Variants in XIST observed in about 807,000 individuals in gnomAD.
XIST encodes the protein X inactive specific transcript (non-protein coding).
In XIST at chrX:73,822,470, C is replaced by A. The variant is rs762637145; in HGVS notation, n.17431G>T. 18 of 514,645 alleles carry A rather than the reference C, an allele frequency of 3.5e-5. No homozygotes were observed. The Admixed American group carries it at 4.8e-4, about 14-fold the overall frequency. The allele number at this position is 514,645 out of a possible 1,213,427, so 42.4% of individuals were successfully genotyped here. ...TGTCTCTGGGGCCAAAAACCTTATACCAAGTACCTATTGGCACCCGAATAT... is the reference window on the plus strand; with the variant it reads ...TGTCTCTGGGGCCAAAAACCTTATAACAAGTACCTATTGGCACCCGAATAT... On this transcript the variant is annotated non_coding_transcript_exon_variant, in exon 6 of 6. Coordinates refer to ENST00000429829, the Ensembl canonical transcript of XIST.
At position 73,843,814 on chromosome X, in the gene XIST, A is replaced by T. The variant is rs950021090; in HGVS notation, n.8910T>A. The T allele has an allele frequency of 1.6e-5, 9 of 558,964 alleles. No homozygotes were observed. The East Asian group carries it at 2.9e-4, about 18-fold the overall frequency. The allele number at this position is 558,964 out of a possible 1,213,427, so 46.1% of individuals were successfully genotyped here. The stretch of plus-strand genomic sequence containing the variant: ...ACAGATCAGGAGCAAATGTAATTGC[A>T]CATATTAACAGTCCAAAACAACAGG... On this transcript the variant is annotated non_coding_transcript_exon_variant, in exon 1 of 6. Coordinates refer to ENST00000429829, the Ensembl canonical transcript of XIST.
chrX:73,839,015 C>T, intron 1 of XIST, among the ~76,000 whole-genome samples: 1 of 111,729 alleles, frequency 9.0e-6, no homozygotes, highest in East Asian at 2.8e-4. Flanking sequence ...TAGTTTCTTT[C>T]TCTTTAAGCT....
At chrX:73,846,792 G>T in exon 1 of XIST, 1 of 559,068 alleles carries the variant, frequency 1.8e-6, no homozygotes, top group Non-Finnish European at 3.2e-6. Flanking sequence ...CCTTCAAAAG[G>T]AAGGATACTG....
intron 1 of XIST, among the ~76,000 whole-genome samples, chrX:73,838,025 T>C (rs1603361559): frequency 8.9e-6 from 1 of 111,954 alleles, no homozygotes; most frequent in East Asian, 2.8e-4. Flanking sequence ...TCAACAGATT[T>C]CCTGGAAAGA....
chrX:73,824,210 A>G (rs771222999), exon 6 of XIST: 47 of 514,012 alleles, frequency 9.1e-5, no homozygotes, highest in Non-Finnish European at 1.5e-4. Flanking sequence ...TAGCAATGAG[A>G]TTGGCACACA....
exon 1 of XIST, chrX:73,849,835 ACTGGGGCTAGGG>A (rs1380424989): frequency 1.1e-5 from 3 of 279,282 alleles, no homozygotes; most frequent in Non-Finnish European, 2.0e-5. Flanking sequence ...TAGGACTGGG[ACTGGGGCTAGGG>A]CTGGGGGGTT....
At chrX:73,820,742 T>A (rs1711216080) in exon 6 of XIST, 1 of 557,729 alleles carries the variant, frequency 1.8e-6, no homozygotes, top group African/African-American at 2.2e-5. Context: ...TAAGATTACT[T>A]TCTGGTGGTC....
chrX:73,821,764 T>A lies in XIST; in HGVS notation n.18137A>T, dbSNP rs193140316. 972 of 512,145 alleles carry A rather than the reference T, an allele frequency of 1.9e-3. 2 individuals are homozygous for A. The highest frequency in any genetic ancestry group is 2.8e-3 in the Admixed American group (103 of 37,180). 42.2% of individuals were successfully genotyped at this position (512,145 alleles called of 1,213,427 possible). A position where few individuals can be genotyped will look rare whatever the true frequency, so the allele number is the denominator to read the frequency against. On this transcript the variant is annotated non_coding_transcript_exon_variant, in exon 6 of 6. Transcript: ENST00000429829. ...TACATTTAGAGAAATTTTAAAAAAA[T>A]TTTTCCTTTCAATTTTGGCCAATTA...
At chrX:73,820,955 T>G in exon 6 of XIST, 1 of 558,901 alleles carries the variant, frequency 1.8e-6, no homozygotes, top group South Asian at 2.2e-5. Context: ...ACAACTTCAT[T>G]TATGTGAATA....
chrX:73,839,152 A>T (rs1922542483), intron 1 of XIST, among the ~76,000 whole-genome samples: 1 of 111,513 alleles, frequency 9.0e-6, no homozygotes, highest in Admixed American at 9.6e-5. Flanking sequence ...ATCAGGGCAC[A>T]AACACCCTGA....
intron 2 of XIST, among the ~76,000 whole-genome samples, chrX:73,834,797 C>T (rs1433747353): frequency 5.6e-5 from 5 of 88,572 alleles, no homozygotes; most frequent in African/African-American, 2.3e-4. Flanking sequence ...ACCAGCCTGG[C>T]CAACACGGCA....
chrX:73,822,969 T>C (rs1922159885), exon 6 of XIST: 1 of 558,827 alleles, frequency 1.8e-6, no homozygotes, highest in South Asian at 2.2e-5. Context: ...TAAAGTGCAC[T>C]TTGGTTTACG....
At chrX:73,838,636 C>T (rs1922529216) in intron 1 of XIST, among the ~76,000 whole-genome samples, 1 of 111,332 alleles carries the variant, frequency 9.0e-6, no homozygotes, top group African/African-American at 3.3e-5. Context: ...CAAGGAAGAG[C>T]TATCAAGTAA....
chrX:73,822,615 T>A, exon 6 of XIST: 2 of 515,854 alleles, frequency 3.9e-6, no homozygotes, highest in Non-Finnish European at 7.0e-6. Context: ...GTTTTCTGTT[T>A]AGGATTTAAC....
At chrX:73,822,414 A>T (rs1569511420) in exon 6 of XIST, 1 of 516,610 alleles carries the variant, frequency 1.9e-6, no homozygotes, top group East Asian at 3.6e-5. Context: ...AGTATTAGGC[A>T]TTCTCTGGGA....
chrX:73,851,999 C>A (rs765782142), exon 1 of XIST: 2 of 552,640 alleles, frequency 3.6e-6, no homozygotes, highest in African/African-American at 4.6e-5. Flanking sequence ...TAAAAAGCAC[C>A]GATGGGCGAT....
exon 1 of XIST, chrX:73,843,531 C>T (rs1378693068): frequency 3.6e-6 from 2 of 558,884 alleles, no homozygotes; most frequent in Admixed American, 4.4e-5. Flanking sequence ...TCATAATTAA[C>T]ATGCCCCTGA....
chrX:73,830,582 C>T (rs1021357877), intron 4 of XIST, among the ~76,000 whole-genome samples: 1 of 111,658 alleles, frequency 9.0e-6, no homozygotes, highest in Non-Finnish European at 1.9e-5. Context: ...TGTATTTATG[C>T]GGCTTCCATC....
exon 1 of XIST, chrX:73,848,664 T>C: frequency 1.8e-6 from 1 of 558,272 alleles, no homozygotes; most frequent in East Asian, 3.2e-5. Context: ...TCTGCACTCG[T>C]TAGCAACATC....
Sources: gnomAD v4.1 joint callset for allele counts (sites outside exome capture counted in the v4.1 genomes callset) on GRCh38, gnomAD v4.1.1 for gene constraint, MANE v1.5 for transcripts, NCBI Gene and HGNC (gene_info 2026-07-23, HGNC 2026-07-21) for gene names.